The following SULF1 variants were observed in gnomAD, a reference collection of about 807,000 sequenced individuals.
SULF1 encodes the protein sulfatase 1, also known as extracellular sulfatase Sulf-1.
In SULF1, 46 loss-of-function variants were observed where a neutral mutation model predicts 110.5. The observed-to-expected ratio is 0.42, with a 90% CI of 0.33 to 0.53. The LOEUF is 0.53. Ranked by LOEUF, SULF1 falls within the 20% of genes least tolerant of loss-of-function variation. The probability of loss-of-function intolerance (pLI) is 0.12; values close to 1 mark genes in which losing one functional copy is unlikely to be tolerated. For missense variants in SULF1, 941 were observed against 1,094.2 expected, an observed-to-expected ratio of 0.86 and a Z score of 1.98; for synonymous variants, 371 against 387.1, an observed-to-expected ratio of 0.96 and a Z score of 0.49.
chr8:69,554,032 T>C (rs1814910027), intron 3 of SULF1, among the ~76,000 whole-genome samples: 1 of 152,200 alleles, frequency 6.6e-6, no homozygotes, highest in Non-Finnish European at 1.5e-5. Context: ...TTAGATGACT[T>C]TAAAATATGC....
intron 5 of SULF1, among the ~76,000 whole-genome samples, chr8:69,565,801 C>T (rs1815835612): frequency 6.6e-6 from 1 of 152,182 alleles, no homozygotes; most frequent in Non-Finnish European, 1.5e-5. Context: ...CTGCCTGTCC[C>T]CAAGGCTGTT....
chr8:69,590,248 G>A (rs939208967), intron 8 of SULF1, among the ~76,000 whole-genome samples: 3 of 152,004 alleles, frequency 2.0e-5, no homozygotes, highest in Non-Finnish European at 4.4e-5. Context: ...TGCAACCTCC[G>A]CCTCCTGGGT....
At chr8:69,567,288 T>C (rs1815955123) in intron 5 of SULF1, among the ~76,000 whole-genome samples, 1 of 152,216 alleles carries the variant, frequency 6.6e-6, no homozygotes. Flanking sequence ...CATTTTTCTG[T>C]AATGTGCTCA....
At chr8:69,578,732 C>G (rs538079736) in intron 6 of SULF1, among the ~76,000 whole-genome samples, 1 of 152,090 alleles carries the variant, frequency 6.6e-6, no homozygotes. Context: ...AGATTTGCTC[C>G]TGGAAACTAA....
chr8:69,496,632 G>T (rs1006122552), intron 2 of SULF1, among the ~76,000 whole-genome samples: 1 of 152,194 alleles, frequency 6.6e-6, no homozygotes, highest in African/African-American at 2.4e-5. Context: ...CACAATTGAA[G>T]TATGAAGAAT....
At chr8:69,490,300 A>C (rs866094702), upstream of SULF1, among the ~76,000 whole-genome samples, 16 of 152,018 alleles carry the variant, frequency 1.1e-4, no homozygotes, top group African/African-American at 3.1e-4. Context: ...ACGGGGTTTC[A>C]TCATGTTGCC....
chr8:69,630,068 T>C (rs1244732599), intron 19 of SULF1, among the ~76,000 whole-genome samples: 1 of 152,112 alleles, frequency 6.6e-6, no homozygotes, highest in Non-Finnish European at 1.5e-5. Context: ...AGTACATAAG[T>C]GTAATAAAAG....
intron 13 of SULF1, among the ~76,000 whole-genome samples, chr8:69,607,081 A>G (rs1426836217): frequency 1.3e-5 from 2 of 152,232 alleles, no homozygotes; most frequent in African/African-American, 4.8e-5. Flanking sequence ...CAGCAGGATC[A>G]GCATCCCTGA....
intron 1 of SULF1, among the ~76,000 whole-genome samples, chr8:69,485,478 C>T (rs553872248): frequency 6.6e-6 from 1 of 152,316 alleles, no homozygotes; most frequent in Non-Finnish European, 1.5e-5. Context: ...TTGTCACTCC[C>T]TTGGCTGTCT....
At chr8:69,532,615 A>G (rs1416164781) in intron 3 of SULF1, among the ~76,000 whole-genome samples, 3 of 152,258 alleles carry the variant, frequency 2.0e-5, no homozygotes, top group African/African-American at 7.2e-5. Context: ...AGAGAATGAA[A>G]AAGAATGTAA....
chr8:69,647,085 C>T (rs187729379), intron 22 of SULF1, among the ~76,000 whole-genome samples: 388 of 151,822 alleles, frequency 2.6e-3, no homozygotes, highest in African/African-American at 9.1e-3. Context: ...GCTGGGACTA[C>T]AGGCACAGAC....
chr8:69,613,307 T>G (rs1808811298), intron 13 of SULF1, among the ~76,000 whole-genome samples: 1 of 151,546 alleles, frequency 6.6e-6, no homozygotes, highest in Admixed American at 6.6e-5. Context: ...ATTTGGTTTT[T>G]TTTTTTTTTT....
At chr8:69,467,796 C>T (rs139971396) in intron 1 of SULF1, among the ~76,000 whole-genome samples, 163 of 152,180 alleles carry the variant, frequency 1.1e-3, no homozygotes, top group African/African-American at 3.8e-3. Flanking sequence ...TATAAACAGA[C>T]AAACAGAAAG....
chr8:69,593,295 C>T (rs1284374233), intron 8 of SULF1, among the ~76,000 whole-genome samples: 2 of 152,172 alleles, frequency 1.3e-5, no homozygotes, highest in African/African-American at 4.8e-5. Context: ...TGACCAGCTT[C>T]CTTAGCGAAA....
chr8:69,528,406 G>A (rs866463454), intron 3 of SULF1, among the ~76,000 whole-genome samples: 1 of 152,050 alleles, frequency 6.6e-6, no homozygotes, highest in African/African-American at 2.4e-5. Flanking sequence ...AGACAGACGT[G>A]GATTCCAATC....
intron 3 of SULF1, among the ~76,000 whole-genome samples, chr8:69,557,715 C>T (rs1815208445): frequency 6.6e-6 from 1 of 152,222 alleles, no homozygotes; most frequent in African/African-American, 2.4e-5. Context: ...CCTCACCATA[C>T]ACCAGGGATA....
At chr8:69,475,800 T>C (rs1318633684) in intron 1 of SULF1, among the ~76,000 whole-genome samples, 1 of 152,216 alleles carries the variant, frequency 6.6e-6, no homozygotes, top group African/African-American at 2.4e-5. Flanking sequence ...TTTAATAATA[T>C]AATTTAAATA....
intron 22 of SULF1, among the ~76,000 whole-genome samples, chr8:69,651,178 G>A (rs766336560): frequency 9.4e-5 from 14 of 149,336 alleles, no homozygotes; most frequent in Non-Finnish European, 1.9e-4. Context: ...CTCCCCTCCC[G>A]AGTAGCTGGG....
chr8:69,550,794 G>A (rs1814655095), intron 3 of SULF1, among the ~76,000 whole-genome samples: 1 of 152,166 alleles, frequency 6.6e-6, no homozygotes. Flanking sequence ...GGTAGATAAA[G>A]TCATTTGGAA....
Sources: gnomAD v4.1 joint callset for allele counts (sites outside exome capture counted in the v4.1 genomes callset) on GRCh38, gnomAD v4.1.1 for gene constraint, MANE v1.5 for transcripts, NCBI Gene and HGNC (gene_info 2026-07-23, HGNC 2026-07-21) for gene names.